Variants in TUSC3 observed in about 807,000 individuals in gnomAD.
The protein encoded by TUSC3 is tumor suppressor candidate 3.
TUSC3 carries 45 observed loss-of-function variants against 44.8 expected under a neutral mutation model. That is an observed-to-expected ratio of 1.00 (90% CI 0.79 to 1.29). The LOEUF is 1.29. Ranked by LOEUF, TUSC3 falls within the 50% of genes most tolerant of loss-of-function variation. TUSC3 has a pLI of 0.00. For missense variants in TUSC3, 519 were observed against 437.9 expected (o/e 1.19, Z -1.65); for synonymous variants, 212 against 152.9 (o/e 1.39, Z -2.85).
At chr8:15,850,664 G>A in the TUSC3 span, among the ~76,000 whole-genome samples, 98 of 152,028 alleles carry the variant, frequency 6.4e-4, no homozygotes, top group African/African-American at 2.2e-3. Context: ...TTAATTAAAA[G>A]AATAAAATGA....
intron 2 of TUSC3, among the ~76,000 whole-genome samples, chr8:15,486,594 G>A (rs1385219834): frequency 1.2e-4 from 18 of 152,008 alleles, no homozygotes; most frequent in South Asian, 4.2e-4. Flanking sequence ...ACAGGCGCCC[G>A]CCACCATGCC....
chr8:15,458,039 A>G (rs904605039), intron 1 of TUSC3, among the ~76,000 whole-genome samples: 3 of 152,056 alleles, frequency 2.0e-5, no homozygotes, highest in Admixed American at 6.6e-5. Context: ...AATTCAAAAC[A>G]TACTCTTTAG....
chr8:15,475,803 T>C (rs183088761), intron 1 of TUSC3, among the ~76,000 whole-genome samples: 8 of 152,282 alleles, frequency 5.3e-5, no homozygotes, highest in Admixed American at 1.3e-4. Flanking sequence ...TTGGCATTAA[T>C]AGGATGTAGG....
At chr8:15,522,495 A>C (rs1801311671) in intron 2 of TUSC3, among the ~76,000 whole-genome samples, 1 of 151,212 alleles carries the variant, frequency 6.6e-6, no homozygotes, top group Non-Finnish European at 1.5e-5. Context: ...GGCCTCCCAA[A>C]GTGCTGAGAT....
At chr8:15,432,122 C>T (rs1391976324) in intron 1 of TUSC3, among the ~76,000 whole-genome samples, 2 of 151,904 alleles carry the variant, frequency 1.3e-5, no homozygotes, top group African/African-American at 4.8e-5. Flanking sequence ...AAACTGGTCT[C>T]ATAAAATGAG....
At chr8:15,836,868 C>A in the TUSC3 span, among the ~76,000 whole-genome samples, 4 of 152,100 alleles carry the variant, frequency 2.6e-5, no homozygotes, top group African/African-American at 9.7e-5. Context: ...CCCTTCCCTC[C>A]CTCACTTTTT....
intron 1 of TUSC3, among the ~76,000 whole-genome samples, chr8:15,471,828 G>T (rs1478213310): frequency 6.6e-6 from 1 of 152,076 alleles, no homozygotes; most frequent in African/African-American, 2.4e-5. Context: ...ACGTTGGCCA[G>T]GCTGGTCTCG....
chr8:15,583,153 A>G (rs1361932770), intron 1 of TUSC3, among the ~76,000 whole-genome samples: 2 of 152,224 alleles, frequency 1.3e-5, no homozygotes, highest in African/African-American at 4.8e-5. Context: ...AAACAAATCT[A>G]ATGCAAACAG....
the TUSC3 span, among the ~76,000 whole-genome samples, chr8:15,840,742 A>G: frequency 1.3e-5 from 2 of 152,136 alleles, no homozygotes; most frequent in Admixed American, 6.5e-5. Flanking sequence ...TGTGCTTATA[A>G]TTTTTATCCT....
intron 1 of TUSC3, among the ~76,000 whole-genome samples, chr8:15,560,552 C>T (rs200895382): frequency 0.027 from 3,958 of 147,366 alleles, 212 homozygotes; most frequent in East Asian, 0.22. Flanking sequence ...CGTTGGCCTG[C>T]CTTGCTAGAT....
At chr8:15,570,782 T>C (rs542379954) in intron 1 of TUSC3, among the ~76,000 whole-genome samples, 4 of 152,064 alleles carry the variant, frequency 2.6e-5, no homozygotes, top group African/African-American at 9.6e-5. Context: ...GCTGTTCTTC[T>C]GATTTAAGTA....
chr8:15,558,914 T>C (rs989282728), intron 1 of TUSC3, among the ~76,000 whole-genome samples: 2 of 151,560 alleles, frequency 1.3e-5, no homozygotes, highest in Non-Finnish European at 2.9e-5. Flanking sequence ...TTAGTCTTGC[T>C]AGCGGTCTAT....
At chr8:15,433,853 G>A (rs186560568) in intron 1 of TUSC3, among the ~76,000 whole-genome samples, 2 of 152,206 alleles carry the variant, frequency 1.3e-5, no homozygotes, top group Admixed American at 1.3e-4. Flanking sequence ...TTTTCCAGTT[G>A]GGGGTCATTA....
intron 1 of TUSC3, among the ~76,000 whole-genome samples, chr8:15,470,132 AG>A (rs1019451371): frequency 1.3e-5 from 2 of 151,648 alleles, no homozygotes; most frequent in African/African-American, 4.8e-5. Flanking sequence ...AAATTAGCCT[AG>A]GCATGGTAGT....
the TUSC3 span, among the ~76,000 whole-genome samples, chr8:15,796,030 A>G: frequency 0.069 from 10,455 of 152,238 alleles, 448 homozygotes; most frequent in Middle Eastern, 0.11. Context: ...GCCATACCCC[A>G]AACAATGTGG....
chr8:15,718,370 A>G (rs1810145095), intron 6 of TUSC3, among the ~76,000 whole-genome samples: 1 of 152,118 alleles, frequency 6.6e-6, no homozygotes, highest in African/African-American at 2.4e-5. Flanking sequence ...TGTAATATTG[A>G]TAGATGCATA....
chr8:15,678,247 C>A (rs1450490604), intron 6 of TUSC3, among the ~76,000 whole-genome samples: 1 of 152,118 alleles, frequency 6.6e-6, no homozygotes, highest in Admixed American at 6.5e-5. Context: ...CACTGGTGGA[C>A]TTTGTCTGTC....
intron 1 of TUSC3, among the ~76,000 whole-genome samples, chr8:15,610,938 T>C (rs1804736460): frequency 6.6e-6 from 1 of 152,150 alleles, no homozygotes; most frequent in Admixed American, 6.5e-5. Flanking sequence ...ACTGGACTTA[T>C]TTTTAATATG....
At chr8:15,435,139 T>G (rs1799929582) in intron 1 of TUSC3, among the ~76,000 whole-genome samples, 2 of 149,664 alleles carry the variant, frequency 1.3e-5, no homozygotes, top group Admixed American at 6.6e-5. Flanking sequence ...TGAACTAGTT[T>G]ACAGTCCCAC....
Sources: gnomAD v4.1 joint callset for allele counts (sites outside exome capture counted in the v4.1 genomes callset) on GRCh38, gnomAD v4.1.1 for gene constraint, MANE v1.5 for transcripts, NCBI Gene and HGNC (gene_info 2026-07-23, HGNC 2026-07-21) for gene names.